Variants in RERE observed in about 807,000 individuals in gnomAD.
RERE encodes the protein arginine-glutamic acid dipeptide repeats, also known as arginine-glutamic acid dipeptide repeats protein.
A neutral mutation model predicts 146.1 loss-of-function variants in RERE; 40 were observed. The ratio of observed to expected loss-of-function variants is 0.27; its 90% CI spans 0.21 to 0.36. The LOEUF (loss-of-function observed/expected upper bound fraction) is 0.36. RERE is among the 10% of genes least tolerant of loss of function. The pLI, the probability that RERE is intolerant of heterozygous loss-of-function variation, is 1.00. For synonymous variants in RERE, 1,003 were observed against 866.0 expected, an observed-to-expected ratio of 1.16 and a Z score of -2.78; for missense variants, 1,933 against 2,138.7, an observed-to-expected ratio of 0.90 and a Z score of 1.90.
chr1:8,483,077 T>C (rs1036533749), intron 10 of RERE, among the ~76,000 whole-genome samples: 28 of 152,242 alleles, frequency 1.8e-4, no homozygotes, highest in African/African-American at 6.8e-4. Flanking sequence ...ATTTATATGA[T>C]GTGCTGTTCT....
In RERE at chr1:8,378,694, G is replaced by GTA. The variant is rs1349068474; in HGVS notation, c.1285-12722_1285-12721dup. Among the ~76,000 whole-genome samples, 6 of 152,316 alleles carry GTA rather than the reference G, an allele frequency of 3.9e-5. No homozygotes were observed. The East Asian group carries it at 1.2e-3, about 29-fold the overall frequency. The stretch of plus-strand genomic sequence containing the variant: ...TCTTGGACTTCCAACTTCCAGAACT[G>GTA]TAAGAAAATAAGTTCTGTTGCTGAA... On this transcript the variant is annotated intron_variant, in intron 12 of 22. Coordinates refer to ENST00000400908, the MANE Select transcript of RERE (RefSeq NM_001042681.2).
chr1:8,723,860 A>G (rs1639907294), intron 1 of RERE, among the ~76,000 whole-genome samples: 1 of 152,240 alleles, frequency 6.6e-6, no homozygotes, highest in Non-Finnish European at 1.5e-5. Flanking sequence ...AATTACCATC[A>G]TCACATTGTA....
chr1:8,356,247 C>G lies in RERE; in HGVS notation c.4340-1G>C, dbSNP rs769650167. 4 of 1,520,772 alleles carry G rather than the reference C, an allele frequency of 2.6e-6. No individual in the cohort carries two copies. The South Asian group carries it at 3.9e-5, about 15-fold the overall frequency. The allele number at this position is 1,520,772 out of a possible 1,614,324, so 94.2% of individuals were successfully genotyped here. ...AGCGGGTGAACGGGGCCTGCTGAAC[C>G]TAAGGAAAGGACAAAACGCCAGATG... is the stretch of plus-strand genomic sequence containing the variant. On this transcript the variant is annotated splice_acceptor_variant, in intron 20 of 22. Coordinates refer to ENST00000400908, the MANE Select transcript of RERE (RefSeq NM_001042681.2). LOFTEE classifies it high-confidence loss of function. The surrounding 1 kb of genome is among the most constrained non-coding windows in gnomAD (Gnocchi z 5.2).
chr1:8,662,566 T>C (rs1638479806), intron 1 of RERE, among the ~76,000 whole-genome samples: 1 of 152,174 alleles, frequency 6.6e-6, no homozygotes, highest in Admixed American at 6.5e-5. Context: ...GGTGCAGACC[T>C]GTAGTCCTAG....
At chr1:8,771,140 G>A (rs1640941025) in intron 1 of RERE, among the ~76,000 whole-genome samples, 1 of 152,100 alleles carries the variant, frequency 6.6e-6, no homozygotes, top group South Asian at 2.1e-4. Flanking sequence ...GGGGGAAAAT[G>A]TAATGAAAAA....
At chr1:8,613,749 C>T (rs1183739983) in intron 4 of RERE, among the ~76,000 whole-genome samples, 2 of 152,156 alleles carry the variant, frequency 1.3e-5, no homozygotes, top group African/African-American at 2.4e-5. Context: ...ACTGCAACTA[C>T]ACTTCTTTCA....
chr1:8,522,218 G>T (rs1304763563), intron 7 of RERE, among the ~76,000 whole-genome samples: 1 of 152,208 alleles, frequency 6.6e-6, no homozygotes, highest in Non-Finnish European at 1.5e-5. Flanking sequence ...TGCTTATTTA[G>T]GAGAAGATTT....
At chr1:8,501,027 C>CGGG (rs1187425730) in intron 8 of RERE, among the ~76,000 whole-genome samples, 537 of 38,070 alleles carry the variant, frequency 0.014, 51 homozygotes, top group Non-Finnish European at 0.024. Context: ...CCACCCCGTC[C>CGGG]GGGAGGGGGG....
chr1:8,556,741 T>A (rs1167955441), intron 5 of RERE, among the ~76,000 whole-genome samples, 170 bp from the exon 6 acceptor site: 1 of 152,174 alleles, frequency 6.6e-6, no homozygotes, highest in Admixed American at 6.5e-5. Flanking sequence ...AGAATAACAA[T>A]AACAGAATGT....
At chr1:8,464,583 A>G (rs539335626) in intron 11 of RERE, among the ~76,000 whole-genome samples, 1 of 152,244 alleles carries the variant, frequency 6.6e-6, no homozygotes, top group South Asian at 2.1e-4. Flanking sequence ...TGCTCCCTCT[A>G]GGGCACCCCT....
At chr1:8,646,242 C>G (rs1647300592) in intron 2 of RERE, among the ~76,000 whole-genome samples, 1 of 152,108 alleles carries the variant, frequency 6.6e-6, no homozygotes, top group South Asian at 2.1e-4. Flanking sequence ...TATTAAAGAA[C>G]AGGTAAGGCC....
intron 4 of RERE, among the ~76,000 whole-genome samples, chr1:8,576,230 G>C (rs1243785736): frequency 6.6e-6 from 1 of 151,558 alleles, no homozygotes; most frequent in Non-Finnish European, 1.5e-5. Context: ...AAAAAAAAAA[G>C]TTCTCTGTGT....
intron 1 of RERE, among the ~76,000 whole-genome samples, chr1:8,663,618 G>C (rs187858136): frequency 4.3e-4 from 66 of 152,262 alleles, no homozygotes; most frequent in Admixed American, 2.4e-3. Flanking sequence ...CAGCCAGCCA[G>C]CATATCTGAC....
intron 8 of RERE, among the ~76,000 whole-genome samples, chr1:8,500,815 C>A (rs1320883030): frequency 6.6e-6 from 1 of 151,566 alleles, no homozygotes; most frequent in Admixed American, 6.6e-5. Context: ...AGCGCCTCTG[C>A]CCCGCCGCCC....
chr1:8,775,117 C>CG (rs1444969208), intron 1 of RERE, among the ~76,000 whole-genome samples: 1 of 151,902 alleles, frequency 6.6e-6, no homozygotes, highest in Non-Finnish European at 1.5e-5. Context: ...CACGCCACCA[C>CG]GCCCGGCTAA....
chr1:8,511,604 C>T (rs1292285366), intron 7 of RERE, among the ~76,000 whole-genome samples: 1 of 152,086 alleles, frequency 6.6e-6, no homozygotes, highest in Non-Finnish European at 1.5e-5. Flanking sequence ...AAGCTTGATG[C>T]AGCTGACAGA....
chr1:8,500,626 C>G (rs1168879242), intron 8 of RERE, among the ~76,000 whole-genome samples: 1 of 152,178 alleles, frequency 6.6e-6, no homozygotes, highest in African/African-American at 2.4e-5. Context: ...TCTGCCCGGC[C>G]GCCACCCCGT....
intron 8 of RERE, among the ~76,000 whole-genome samples, chr1:8,498,947 A>C (rs917025792): frequency 1.3e-5 from 2 of 152,198 alleles, no homozygotes; most frequent in African/African-American, 4.8e-5. Flanking sequence ...AATTCGCTGT[A>C]CATAGAGTAT....
intron 12 of RERE, among the ~76,000 whole-genome samples, chr1:8,391,107 A>G (rs1009426894): frequency 6.6e-6 from 1 of 152,224 alleles, no homozygotes; most frequent in Non-Finnish European, 1.5e-5. Flanking sequence ...TAAAAATAAC[A>G]AAATAAACAG....
Sources: allele counts gnomAD v4.1 joint callset (sites outside exome capture counted in the v4.1 genomes callset), GRCh38; gene constraint gnomAD v4.1.1; non-coding constraint Gnocchi (gnomAD v3.1); transcripts MANE v1.5; gene names NCBI Gene and HGNC (gene_info 2026-07-23, HGNC 2026-07-21).